Variants in NIPAL2 observed in about 807,000 individuals in gnomAD.
NIPAL2 encodes NIPA like domain containing 2.
NIPAL2 carries 43 observed loss-of-function variants against 48.9 expected under a neutral mutation model. The observed-to-expected ratio is 0.88, with a 90% confidence interval of 0.69 to 1.13. NIPAL2 has a LOEUF of 1.13. Among genes scored for constraint, NIPAL2 ranks in the 50% most tolerant of loss-of-function variants. The probability of loss-of-function intolerance (pLI) is 0.00; values close to 1 mark genes in which losing one functional copy is unlikely to be tolerated. For synonymous variants in NIPAL2, 167 were observed against 174.6 expected, an observed-to-expected ratio of 0.96 and a Z score of 0.34; for missense variants, 446 against 461.4, an observed-to-expected ratio of 0.97 and a Z score of 0.31.
chr8:98,222,714 T>C, intron 4 of NIPAL2, 114 bp from the exon 5 acceptor site: 1 of 988,102 alleles, frequency 1.0e-6, no homozygotes, highest in Non-Finnish European at 1.5e-6. Context: ...CGCCCCTCCC[T>C]ATTATACTCC....
intron 1 of NIPAL2, among the ~76,000 whole-genome samples, chr8:98,264,918 G>T (rs1340906664): frequency 1.3e-5 from 2 of 150,644 alleles, no homozygotes; most frequent in African/African-American, 4.9e-5. Flanking sequence ...GCATGGTACT[G>T]GTACCAAAAC....
intron 1 of NIPAL2, among the ~76,000 whole-genome samples, chr8:98,291,064 A>T (rs1816463475): frequency 6.6e-6 from 1 of 152,074 alleles, no homozygotes; most frequent in Non-Finnish European, 1.5e-5. Flanking sequence ...CTTAATTTAA[A>T]TTTTTTTAAA....
rs17358339 is a variant in NIPAL2, at chr8:98,192,818, G to A, written c.*160C>T. 8,126 of 615,716 alleles carry A rather than the reference G, an allele frequency of 0.013. 69 individuals are homozygous for A. The highest frequency in any genetic ancestry group is 0.018 in the Non-Finnish European group (6,071 of 345,152). 38.1% of individuals were successfully genotyped at this position (615,716 alleles called of 1,614,324 possible). A position where few individuals can be genotyped will look rare whatever the true frequency, so the allele number is the denominator to read the frequency against. On this transcript the variant is annotated 3_prime_UTR_variant, in exon 11 of 11. Coordinates refer to ENST00000430223, the MANE Select transcript of NIPAL2 (RefSeq NM_001321635.2). ...GAAATATTAGACTGTCAGAGCTTAGGAAGTCCCCGATTGTCCATAGACGCT... is the reference window on the plus strand; with the variant it reads ...GAAATATTAGACTGTCAGAGCTTAGAAAGTCCCCGATTGTCCATAGACGCT...
chr8:98,221,051 C>T (rs760278056), intron 5 of NIPAL2, among the ~76,000 whole-genome samples: 21 of 139,368 alleles, frequency 1.5e-4, no homozygotes, highest in Non-Finnish European at 2.0e-4. Context: ...TCTTGGCTCA[C>T]GGTAGCCTCT....
At chr8:98,264,490 A>G (rs1326427861) in intron 1 of NIPAL2, among the ~76,000 whole-genome samples, 2 of 150,724 alleles carry the variant, frequency 1.3e-5, no homozygotes, top group Admixed American at 1.3e-4. Context: ...CCAGCAATAG[A>G]CAAACAGAGA....
intron 3 of NIPAL2, among the ~76,000 whole-genome samples, chr8:98,246,997 T>C (rs1813342314): frequency 6.6e-6 from 1 of 152,208 alleles, no homozygotes; most frequent in Non-Finnish European, 1.5e-5. Flanking sequence ...AGGCATAGCA[T>C]AGATCACAGT....
intron 5 of NIPAL2, among the ~76,000 whole-genome samples, chr8:98,216,758 C>G (rs1363915540): frequency 1.3e-5 from 2 of 152,134 alleles, no homozygotes; most frequent in Non-Finnish European, 2.9e-5. Context: ...TTTGGAAAAT[C>G]TGGGTGAGCA....
At chr8:98,249,697 TTATATTAAA>T (rs1219325008) in intron 3 of NIPAL2, among the ~76,000 whole-genome samples, 1 of 147,298 alleles carries the variant, frequency 6.8e-6, no homozygotes, top group East Asian at 1.9e-4. Context: ...ATCAATATAA[TTATATTAAA>T]TATATTAAAC....
chr8:98,239,141 T>C (rs986696094), intron 3 of NIPAL2, among the ~76,000 whole-genome samples: 12 of 152,214 alleles, frequency 7.9e-5, no homozygotes, highest in African/African-American at 2.9e-4. Context: ...AAGGGAAACA[T>C]TGCTTACATG....
At chr8:98,224,533 A>C (rs548314513) in intron 4 of NIPAL2, among the ~76,000 whole-genome samples, 2 of 152,060 alleles carry the variant, frequency 1.3e-5, no homozygotes, top group East Asian at 3.9e-4. Flanking sequence ...CCTGTTTCAC[A>C]TCCTGACATA....
intron 1 of NIPAL2, among the ~76,000 whole-genome samples, chr8:98,283,522 T>A (rs1018948210): frequency 6.6e-6 from 1 of 152,210 alleles, no homozygotes; most frequent in African/African-American, 2.4e-5. Flanking sequence ...CAGGTCAATA[T>A]AGGGCCTTAT....
At chr8:98,222,718 A>C in intron 4 of NIPAL2, 118 bp from the exon 5 acceptor site, 2 of 959,198 alleles carry the variant, frequency 2.1e-6, no homozygotes, top group Non-Finnish European at 3.1e-6. Flanking sequence ...CCTCCCTATT[A>C]TACTCCGTTT....
chr8:98,220,358 GC>G (rs1811794186), intron 5 of NIPAL2, among the ~76,000 whole-genome samples: 2 of 151,628 alleles, frequency 1.3e-5, no homozygotes, highest in East Asian at 1.9e-4. Context: ...AGACCAGTTA[GC>G]TTTTGAGGTC....
At position 98,227,392 on chromosome 8, in the gene NIPAL2, T is replaced by C. The variant is rs1032349157; in HGVS notation, c.437-4792A>G. Reference sequence around the variant, plus strand: ...CCTGAAGCTAATACATCTCTGAGTCTCACCCAAGGCTCACAGTGAGTACTG... The same window carrying C: ...CCTGAAGCTAATACATCTCTGAGTCCCACCCAAGGCTCACAGTGAGTACTG... On this transcript the variant is annotated intron_variant, in intron 4 of 10. Transcript: ENST00000430223. 2.0e-5 allele frequency among the ~76,000 whole-genome samples: 3 copies of C among 152,194 alleles called. No homozygotes were observed. The East Asian group carries it at 5.8e-4, about 29-fold the overall frequency.
intron 1 of NIPAL2, among the ~76,000 whole-genome samples, chr8:98,289,015 C>A (rs1309351470): frequency 1.3e-5 from 2 of 152,160 alleles, no homozygotes; most frequent in Non-Finnish European, 2.9e-5. Flanking sequence ...TAAATGGTGT[C>A]TTTTTCTGCT....
chr8:98,280,330 C>T (rs1391329922), intron 1 of NIPAL2, among the ~76,000 whole-genome samples: 4 of 152,274 alleles, frequency 2.6e-5, no homozygotes, highest in South Asian at 4.1e-4. Flanking sequence ...CAACCCACAA[C>T]TGGAATAACG....
At chr8:98,218,916 G>C (rs568090360) in intron 5 of NIPAL2, among the ~76,000 whole-genome samples, 55 of 152,154 alleles carry the variant, frequency 3.6e-4, no homozygotes, top group Non-Finnish European at 6.2e-4. Context: ...ACGAACAGCA[G>C]GGGGAGGCAG....
intron 3 of NIPAL2, among the ~76,000 whole-genome samples, chr8:98,236,750 G>T (rs963421205): frequency 6.6e-6 from 1 of 151,162 alleles, no homozygotes; most frequent in African/African-American, 2.4e-5. Flanking sequence ...TACTGGGGAG[G>T]CTGAGGTGGG....
intron 1 of NIPAL2, among the ~76,000 whole-genome samples, chr8:98,256,700 G>A (rs1813915011): frequency 6.6e-6 from 1 of 152,044 alleles, no homozygotes; most frequent in African/African-American, 2.4e-5. Context: ...CATTGCTGGT[G>A]GGAATGTAAA....
Sources: allele counts gnomAD v4.1 joint callset (sites outside exome capture counted in the v4.1 genomes callset), GRCh38; gene constraint gnomAD v4.1.1; transcripts MANE v1.5; gene names NCBI Gene and HGNC (gene_info 2026-07-23, HGNC 2026-07-21).